PTPN9: variants seen among roughly 807,000 people sequenced by gnomAD.
PTPN9 encodes protein tyrosine phosphatase non-receptor type 9, also known as tyrosine-protein phosphatase non-receptor type 9.
In PTPN9, 26 loss-of-function variants were observed where a neutral mutation model predicts 69.8. The ratio of observed to expected loss-of-function variants is 0.37; its 90% CI spans 0.27 to 0.52. PTPN9 has a LOEUF of 0.52. Among genes scored for constraint, PTPN9 ranks in the 20% least tolerant of loss-of-function variants. PTPN9 has a pLI of 0.91. For synonymous variants in PTPN9, 274 were observed against 272.5 expected, an observed-to-expected ratio of 1.01 and a Z score of -0.05; for missense variants, 549 against 740.3, an observed-to-expected ratio of 0.74 and a Z score of 3.00.
chr15:75,559,762 G>T (rs1422211852), intron 1 of PTPN9, among the ~76,000 whole-genome samples: 2 of 82,264 alleles, frequency 2.4e-5, no homozygotes, highest in Non-Finnish European at 4.8e-5. Flanking sequence ...ACCCAAGAAT[G>T]GTCAACAAAA....
chr15:75,511,029 T>C (rs1057031787), intron 5 of PTPN9, among the ~76,000 whole-genome samples: 3 of 152,230 alleles, frequency 2.0e-5, no homozygotes, highest in Admixed American at 1.3e-4. Context: ...TAATCCATAT[T>C]GTAGCATGTC....
Position 75,527,111 on chromosome 15 carries a change from C to A in PTPN9, c.207+7G>T, listed in dbSNP as rs2074931811. 4 of 1,614,108 alleles carry A rather than the reference C, an allele frequency of 2.5e-6. No homozygotes were observed. Among genetic ancestry groups the A allele is most frequent in the Non-Finnish European group, 3.4e-6 (4 of 1,180,006 alleles). ...CCACAGGTCTGGTCTACCCCTGAGC[C>A]ACATACTCTGTAGGAGTGGAACAAT... is the stretch of plus-strand genomic sequence containing the variant. On this transcript the variant is annotated splice_region_variant and intron_variant, in intron 2 of 12. Transcript: ENST00000618819.
chr15:75,509,859 C>A (rs2074837370), intron 5 of PTPN9, among the ~76,000 whole-genome samples: 1 of 152,170 alleles, frequency 6.6e-6, no homozygotes, highest in Non-Finnish European at 1.5e-5. Flanking sequence ...TGGCATGTGC[C>A]TGTAATCCCT....
At chr15:75,502,046 A>C (rs955434080) in intron 7 of PTPN9, among the ~76,000 whole-genome samples, 1 of 152,114 alleles carries the variant, frequency 6.6e-6, no homozygotes, top group Non-Finnish European at 1.5e-5. Context: ...AGTCCCAGCT[A>C]CTCAGGAGGC....
rs1010836017 is a variant in PTPN9, at chr15:75,469,442, C to T, written c.1567+350G>A. Among the ~76,000 whole-genome samples, 5 of 152,336 alleles carry T rather than the reference C, an allele frequency of 3.3e-5. No individual in the cohort carries two copies. The Middle Eastern group carries it at 0.01, about 311-fold the overall frequency. ...TGCTAACTGGCTCCAGAATGGAGAACACAGCACAGGGTGGGGAGTCCCTCC... is the reference window on the plus strand; with the variant it reads ...TGCTAACTGGCTCCAGAATGGAGAATACAGCACAGGGTGGGGAGTCCCTCC... On this transcript the variant is annotated intron_variant, in intron 12 of 12. Transcript: ENST00000618819.
chr15:75,475,551 G>A (rs893599607), intron 9 of PTPN9, among the ~76,000 whole-genome samples: 1 of 151,788 alleles, frequency 6.6e-6, no homozygotes, highest in South Asian at 2.1e-4. Flanking sequence ...TCGCACCATT[G>A]AACTCCGGCC....
intron 8 of PTPN9, chr15:75,480,647 C>T (rs2074625331): frequency 6.5e-6 from 8 of 1,222,808 alleles, no homozygotes; most frequent in Non-Finnish European, 7.3e-6. Flanking sequence ...CGCCCGCGGG[C>T]CCCAGCTGCA....
intron 1 of PTPN9, among the ~76,000 whole-genome samples, chr15:75,562,039 C>T (rs2075106038): frequency 6.6e-6 from 1 of 151,556 alleles, no homozygotes; most frequent in South Asian, 2.1e-4. Context: ...CTTGTGTAGA[C>T]ATGGGGTCTT....
intron 7 of PTPN9, among the ~76,000 whole-genome samples, chr15:75,504,044 C>G (rs2074795808): frequency 7.8e-6 from 1 of 127,944 alleles, no homozygotes; most frequent in Non-Finnish European, 1.7e-5. Context: ...GCTCAGCCCC[C>G]CGCCCGGCCA....
At chr15:75,574,365 G>A (rs994286669) in intron 1 of PTPN9, among the ~76,000 whole-genome samples, 2 of 152,054 alleles carry the variant, frequency 1.3e-5, no homozygotes, top group Admixed American at 1.3e-4. Context: ...CAGGCTGAGG[G>A]GAAGATGAAA....
At chr15:75,530,761 T>C (rs1189032491) in intron 1 of PTPN9, among the ~76,000 whole-genome samples, 1 of 84,532 alleles carries the variant, frequency 1.2e-5, no homozygotes, top group Non-Finnish European at 2.1e-5. Context: ...TAATATAATA[T>C]ATTATTATAA....
intron 8 of PTPN9, among the ~76,000 whole-genome samples, chr15:75,489,642 TAA>T (rs1459771593): frequency 6.6e-6 from 1 of 152,176 alleles, no homozygotes; most frequent in Non-Finnish European, 1.5e-5. Context: ...AAGGTGTATG[TAA>T]AGTGTTTGAA....
At chr15:75,484,966 G>C (rs2074665500) in intron 8 of PTPN9, among the ~76,000 whole-genome samples, 1 of 152,132 alleles carries the variant, frequency 6.6e-6, no homozygotes. Flanking sequence ...TTAGTCAAGA[G>C]TTTCCTCCTT....
chr15:75,504,402 C>T (rs2074801596), intron 7 of PTPN9, among the ~76,000 whole-genome samples: 2 of 127,498 alleles, frequency 1.6e-5, no homozygotes, highest in Non-Finnish European at 3.4e-5. Context: ...GCCCCCCGCC[C>T]GGCCAGCCGA....
chr15:75,536,186 G>GA (rs2074981659), intron 1 of PTPN9, among the ~76,000 whole-genome samples: 1 of 152,160 alleles, frequency 6.6e-6, no homozygotes. Flanking sequence ...AAGGGAAGGG[G>GA]AAAAGAAAGG....
chr15:75,578,504 C>T (rs2075183935), intron 1 of PTPN9, among the ~76,000 whole-genome samples: 1 of 152,256 alleles, frequency 6.6e-6, no homozygotes. Context: ...GCGAAAGAAG[C>T]GGCGGGAACG....
chr15:75,545,039 T>C (rs559753922), intron 1 of PTPN9, among the ~76,000 whole-genome samples: 9 of 152,288 alleles, frequency 5.9e-5, no homozygotes, highest in Admixed American at 2.0e-4. Flanking sequence ...CCAAACAGTA[T>C]TATAAAGCAT....
At chr15:75,469,126 G>C (rs929589289) in intron 12 of PTPN9, 143 bp from the exon 13 acceptor site, 6 of 692,298 alleles carry the variant, frequency 8.7e-6, no homozygotes, top group African/African-American at 7.2e-5. Context: ...GGCCTGAAAG[G>C]ACTCAAGAAG....
intron 1 of PTPN9, among the ~76,000 whole-genome samples, chr15:75,542,563 C>G (rs1306535026): frequency 6.6e-6 from 1 of 152,212 alleles, no homozygotes; most frequent in Non-Finnish European, 1.5e-5. Flanking sequence ...TCAGGCAACA[C>G]TGAGGGGCCA....
Sources: gnomAD v4.1 joint callset for allele counts (sites outside exome capture counted in the v4.1 genomes callset) on GRCh38, gnomAD v4.1.1 for gene constraint, MANE v1.5 for transcripts, NCBI Gene and HGNC (gene_info 2026-07-23, HGNC 2026-07-21) for gene names.